The following KHDRBS3 variants were observed in gnomAD, a reference collection of about 807,000 sequenced individuals.
KHDRBS3 encodes KH RNA binding domain containing, signal transduction associated 3.
KHDRBS3 carries 23 observed loss-of-function variants against 45.6 expected under a neutral mutation model. That is an observed-to-expected ratio of 0.50 (90% CI 0.36 to 0.72). KHDRBS3 has a LOEUF of 0.72. KHDRBS3 is among the 30% of genes least tolerant of loss of function. KHDRBS3 has a pLI of 0.00. For missense variants in KHDRBS3, 352 were observed against 424.8 expected, an observed-to-expected ratio of 0.83 and a Z score of 1.51; for synonymous variants, 162 against 156.5, an observed-to-expected ratio of 1.04 and a Z score of -0.26.
At chr8:135,580,069 T>C (rs1800545189) in intron 5 of KHDRBS3, among the ~76,000 whole-genome samples, 1 of 152,186 alleles carries the variant, frequency 6.6e-6, no homozygotes. Flanking sequence ...TTCCTCCCCA[T>C]CTCTGGCCAG....
intron 2 of KHDRBS3, among the ~76,000 whole-genome samples, chr8:135,522,256 A>G (rs1022574166): frequency 6.6e-6 from 1 of 152,082 alleles, no homozygotes; most frequent in African/African-American, 2.4e-5. Context: ...AGCTCCTTCC[A>G]TGTCCCTGCA....
intron 4 of KHDRBS3, among the ~76,000 whole-genome samples, chr8:135,655,665 A>G (rs531456211): frequency 1.3e-5 from 2 of 152,322 alleles, no homozygotes; most frequent in African/African-American, 2.4e-5. Context: ...TGGGACTTGT[A>G]TGACCAGAGT....
intron 2 of KHDRBS3, among the ~76,000 whole-genome samples, chr8:135,529,088 T>A (rs990799313): frequency 6.6e-6 from 1 of 152,200 alleles, no homozygotes; most frequent in Admixed American, 6.5e-5. Context: ...ATCTTGGGCC[T>A]ATGATAAAGT....
intron 1 of KHDRBS3, among the ~76,000 whole-genome samples, chr8:135,462,968 A>G (rs1011194705): frequency 2.0e-5 from 3 of 152,198 alleles, no homozygotes; most frequent in Non-Finnish European, 4.4e-5. Flanking sequence ...GAATTGAAAG[A>G]TAAATTATAT....
At chr8:135,470,359 G>T (rs1224070233) in intron 1 of KHDRBS3, among the ~76,000 whole-genome samples, 3 of 151,902 alleles carry the variant, frequency 2.0e-5, no homozygotes, top group Non-Finnish European at 2.9e-5. Context: ...TCTCTCTTAG[G>T]CTCATTAGGA....
chr8:135,458,959 T>G, intron 1 of KHDRBS3: 1 of 456,254 alleles, frequency 2.2e-6, no homozygotes, highest in Non-Finnish European at 4.4e-6. Context: ...TTTCCTGGAA[T>G]ATGTGTTTCA....
intron 7 of KHDRBS3, among the ~76,000 whole-genome samples, chr8:135,633,441 C>G (rs906273773): frequency 6.6e-6 from 1 of 152,180 alleles, no homozygotes; most frequent in African/African-American, 2.4e-5. Context: ...AAATGGATAA[C>G]TTTCTTCTAG....
At chr8:135,650,275 G>A (rs907870283), downstream of KHDRBS3, among the ~76,000 whole-genome samples, 2 of 152,130 alleles carry the variant, frequency 1.3e-5, no homozygotes, top group Admixed American at 6.5e-5. Context: ...TTTGCATGAA[G>A]AAACCATACC....
chr8:135,625,088 C>G (rs1830299543), intron 7 of KHDRBS3: 1 of 661,574 alleles, frequency 1.5e-6, no homozygotes, highest in Admixed American at 3.1e-5. Flanking sequence ...TGAAAAGAAA[C>G]CAGTGAGTCC....
At chr8:135,653,915 A>C (rs904999377) in intron 4 of KHDRBS3, among the ~76,000 whole-genome samples, 1 of 152,168 alleles carries the variant, frequency 6.6e-6, no homozygotes, top group Non-Finnish European at 1.5e-5. Context: ...GAAAACCAAA[A>C]TATGCCCTTT....
At chr8:135,477,794 G>T (rs1822365707) in intron 1 of KHDRBS3, among the ~76,000 whole-genome samples, 2 of 152,244 alleles carry the variant, frequency 1.3e-5, no homozygotes, top group African/African-American at 4.8e-5. Flanking sequence ...GAGTCAGTCA[G>T]ATAGGAGTAT....
chr8:135,507,204 T>C (rs955928287), intron 1 of KHDRBS3, among the ~76,000 whole-genome samples: 1 of 152,338 alleles, frequency 6.6e-6, no homozygotes, highest in Admixed American at 6.5e-5. Context: ...GTCTTAGTGT[T>C]AGTATCTTAG....
chr8:135,511,292 T>C (rs1481056713), intron 1 of KHDRBS3, among the ~76,000 whole-genome samples: 1 of 152,218 alleles, frequency 6.6e-6, no homozygotes, highest in African/African-American at 2.4e-5. Flanking sequence ...GATTGACTAC[T>C]TGGAAGATAG....
intron 1 of KHDRBS3, among the ~76,000 whole-genome samples, chr8:135,499,508 T>G (rs760461817): frequency 3.3e-5 from 5 of 152,214 alleles, no homozygotes; most frequent in Non-Finnish European, 5.9e-5. Flanking sequence ...CTACACAAAA[T>G]GCAAATTGCA....
At chr8:135,566,430 TAATTC>T (rs1827418641) in intron 5 of KHDRBS3, among the ~76,000 whole-genome samples, 1 of 152,192 alleles carries the variant, frequency 6.6e-6, no homozygotes, top group African/African-American at 2.4e-5. Flanking sequence ...AATATCTTCA[TAATTC>T]AATCAAACAC....
At chr8:135,491,458 C>T (rs1372490060) in intron 1 of KHDRBS3, among the ~76,000 whole-genome samples, 2 of 152,108 alleles carry the variant, frequency 1.3e-5, no homozygotes, top group African/African-American at 2.4e-5. Context: ...ATTCAGTTAG[C>T]TTTATTCCAT....
At chr8:135,600,051 GTGGC>G (rs1177175923) in intron 6 of KHDRBS3, among the ~76,000 whole-genome samples, 6 of 30,938 alleles carry the variant, frequency 1.9e-4, no homozygotes, top group Non-Finnish European at 4.8e-4. Context: ...CCAGGCAGCA[GTGGC>G]AGGCACCTCT....
chr8:135,508,728 G>A (rs1824130112), intron 1 of KHDRBS3, among the ~76,000 whole-genome samples: 2 of 152,074 alleles, frequency 1.3e-5, no homozygotes, highest in South Asian at 4.1e-4. Context: ...TTTAGTCTGT[G>A]GACTTACTAT....
At chr8:135,562,470 A>G (rs1176983992) in intron 5 of KHDRBS3, among the ~76,000 whole-genome samples, 26 of 152,230 alleles carry the variant, frequency 1.7e-4, no homozygotes. Flanking sequence ...TACAATGACA[A>G]AAACACCTAA....
Sources: gnomAD v4.1 joint callset for allele counts (sites outside exome capture counted in the v4.1 genomes callset) on GRCh38, gnomAD v4.1.1 for gene constraint, MANE v1.5 for transcripts, NCBI Gene and HGNC (gene_info 2026-07-23, HGNC 2026-07-21) for gene names.